The following GRIN2B variants were observed in gnomAD, a reference collection of about 807,000 sequenced individuals.
GRIN2B encodes glutamate ionotropic receptor NMDA type subunit 2B.
Under a neutral mutation model 114.5 loss-of-function variants are expected in GRIN2B, and 5 were observed. The observed-to-expected ratio is 0.04, with a 90% CI of 0.02 to 0.09. The LOEUF (loss-of-function observed/expected upper bound fraction) is 0.09, where lower values mean the gene tolerates loss of function less well. Ranked by LOEUF, GRIN2B falls within the 10% of genes least tolerant of loss-of-function variation. The pLI, the probability that GRIN2B is intolerant of heterozygous loss-of-function variation, is 1.00. For missense variants in GRIN2B, 1,108 were observed against 1,943.5 expected, an observed-to-expected ratio of 0.57 and a Z score of 8.08; for synonymous variants, 787 against 745.1, an observed-to-expected ratio of 1.06 and a Z score of -0.92.
At chr12:13,847,129 T>C (rs1015983371) in intron 3 of GRIN2B, among the ~76,000 whole-genome samples, 9 of 152,234 alleles carry the variant, frequency 5.9e-5, no homozygotes, top group African/African-American at 1.9e-4. Context: ...ATCTATTATA[T>C]TGAGCTCAAA....
intron 2 of GRIN2B, among the ~76,000 whole-genome samples, chr12:13,960,167 A>T (rs1213237049): frequency 6.6e-6 from 1 of 152,122 alleles, no homozygotes; most frequent in Admixed American, 6.5e-5. Context: ...ACATTGGCAA[A>T]TGTCCTTTGA....
chr12:13,896,709 G>A (rs1211868309), intron 2 of GRIN2B, among the ~76,000 whole-genome samples: 1 of 152,160 alleles, frequency 6.6e-6, no homozygotes, highest in Non-Finnish European at 1.5e-5. Context: ...TGGGGGATTG[G>A]GGAGGGCCTT....
intron 10 of GRIN2B, among the ~76,000 whole-genome samples, chr12:13,583,993 GA>G (rs1274142219): frequency 2.6e-5 from 4 of 152,158 alleles, no homozygotes; most frequent in African/African-American, 9.7e-5. Flanking sequence ...TTTTCAGAGG[GA>G]AAATAATGGG....
chr12:13,650,598 A>G (rs909586903), intron 5 of GRIN2B, among the ~76,000 whole-genome samples: 1 of 152,010 alleles, frequency 6.6e-6, no homozygotes, highest in Non-Finnish European at 1.5e-5. Context: ...ATGAACATCA[A>G]TTGGCAAATG....
At chr12:13,843,735 G>A (rs1459919721) in intron 3 of GRIN2B, among the ~76,000 whole-genome samples, 1 of 152,148 alleles carries the variant, frequency 6.6e-6, no homozygotes, top group African/African-American at 2.4e-5. Context: ...GGAACACGTT[G>A]CAAATCTATC....
At chr12:13,967,514 G>A (rs543547462) in intron 2 of GRIN2B, among the ~76,000 whole-genome samples, 6 of 152,346 alleles carry the variant, frequency 3.9e-5, no homozygotes, top group Non-Finnish European at 5.9e-5. Context: ...ATGGATGTTT[G>A]AAAGGGTTAA....
At chr12:13,937,264 T>A (rs1867145993) in intron 2 of GRIN2B, among the ~76,000 whole-genome samples, 1 of 151,840 alleles carries the variant, frequency 6.6e-6, no homozygotes, top group African/African-American at 2.4e-5. Flanking sequence ...GCCAAAAATT[T>A]CCCGAATGCC....
Position 13,562,709 on chromosome 12 carries a change from C to T in GRIN2B, c.*74G>A, listed in dbSNP as rs1948561478. The T allele has an allele frequency of 8.3e-7, 1 of 1,207,248 alleles. No homozygotes were observed. Among genetic ancestry groups the T allele is most frequent in the Non-Finnish European group, 1.2e-6 (1 of 809,846 alleles). 74.8% of individuals were successfully genotyped at this position (1,207,248 alleles called of 1,614,324 possible). ...TGGGAACCAAGTTCACCCCCGTCAC[C>T]CTCCGTGACATGCGCATCACGCGAC... On this transcript the variant is annotated 3_prime_UTR_variant, in exon 14 of 14. Coordinates refer to ENST00000609686, the MANE Select transcript of GRIN2B (RefSeq NM_000834.5).
chr12:13,805,613 A>G (rs1864587529), intron 3 of GRIN2B, among the ~76,000 whole-genome samples: 1 of 152,186 alleles, frequency 6.6e-6, no homozygotes, highest in Non-Finnish European at 1.5e-5. Context: ...TTATTAAATG[A>G]CAAATAAAAA....
intron 2 of GRIN2B, among the ~76,000 whole-genome samples, chr12:13,969,896 A>C (rs1382711810): frequency 6.6e-6 from 1 of 152,254 alleles, no homozygotes; most frequent in Non-Finnish European, 1.5e-5. Flanking sequence ...CAGACAGTCC[A>C]GGCTGGAGTG....
In GRIN2B at chr12:13,613,962, A is replaced by C. The variant is rs151022905; in HGVS notation, c.1654+1152T>G. ...GGTAGTGCTATACTGACAAGGTTAGAATTAGAATGTGGTTTTGTTTATATC... is the reference window on the plus strand; with the variant it reads ...GGTAGTGCTATACTGACAAGGTTAGCATTAGAATGTGGTTTTGTTTATATC... On this transcript the variant is annotated intron_variant, in intron 8 of 13. Coordinates refer to ENST00000609686, the MANE Select transcript of GRIN2B (RefSeq NM_000834.5). 7.0e-3 allele frequency among the ~76,000 whole-genome samples: 1,051 copies of C among 149,820 alleles called. 6 individuals carry two copies. The highest frequency in any genetic ancestry group is 0.021 in the Middle Eastern group (6 of 292).
chr12:13,718,947 A>G lies in GRIN2B; in HGVS notation c.1010+34370T>C, dbSNP rs149935185. 2.2e-3 allele frequency among the ~76,000 whole-genome samples: 332 copies of G among 152,156 alleles called. 10 individuals carry two copies. The East Asian group carries it at 0.034, about 16-fold the overall frequency. ...CAACGCTTCATGCCAAAATATACCA[A>G]AGCACTGACCTACCTACTTTGCTAA... On this transcript the variant is annotated intron_variant, in intron 4 of 13. Transcript: ENST00000609686.
chr12:13,789,654 G>A (rs1048370237), intron 3 of GRIN2B, among the ~76,000 whole-genome samples: 1 of 152,162 alleles, frequency 6.6e-6, no homozygotes. Context: ...TTGTTGGAAG[G>A]ATTAAGCGAT....
At chr12:13,721,487 G>A (rs1862879780) in intron 4 of GRIN2B, among the ~76,000 whole-genome samples, 1 of 152,048 alleles carries the variant, frequency 6.6e-6, no homozygotes, top group Non-Finnish European at 1.5e-5. Context: ...CAATAGCATG[G>A]ACTTATGTGT....
At chr12:13,947,749 G>C (rs1244069336) in intron 2 of GRIN2B, among the ~76,000 whole-genome samples, 1 of 152,160 alleles carries the variant, frequency 6.6e-6, no homozygotes, top group East Asian at 1.9e-4. Flanking sequence ...TCCAGCTGCA[G>C]TCCAAATCTT....
At chr12:13,857,780 C>T (rs1374355738) in intron 3 of GRIN2B, among the ~76,000 whole-genome samples, 2 of 152,208 alleles carry the variant, frequency 1.3e-5, no homozygotes, top group Admixed American at 6.5e-5. Context: ...AGACTTGCAA[C>T]GTCCACAGAG....
intron 2 of GRIN2B, among the ~76,000 whole-genome samples, chr12:13,899,498 G>A (rs1591610373): frequency 8.0e-6 from 1 of 124,542 alleles, no homozygotes; most frequent in East Asian, 1.9e-4. Context: ...ATGTCCAGAG[G>A]GGTGTTGTCT....
chr12:13,641,309 G>A (rs144829548), intron 5 of GRIN2B, among the ~76,000 whole-genome samples: 10,077 of 152,122 alleles, frequency 0.066, 504 homozygotes, highest in African/African-American at 0.14. Flanking sequence ...CTGACCTCAA[G>A]TGATCCTCCC....
At chr12:13,609,950 A>C (rs1219601992) in intron 9 of GRIN2B, 1 of 152,138 alleles carries the variant, frequency 6.6e-6, no homozygotes, top group Non-Finnish European at 1.5e-5. Flanking sequence ...CCTCACTGCA[A>C]TCTCTATTTG....
Sources: gnomAD v4.1 joint callset for allele counts (sites outside exome capture counted in the v4.1 genomes callset) on GRCh38, gnomAD v4.1.1 for gene constraint, MANE v1.5 for transcripts, NCBI Gene and HGNC (gene_info 2026-07-23, HGNC 2026-07-21) for gene names.